SLC9A7: variants seen among roughly 807,000 people sequenced by gnomAD.
SLC9A7 encodes solute carrier family 9 member A7, also known as sodium/hydrogen exchanger 7.
A neutral mutation model predicts 52.6 loss-of-function variants in SLC9A7; 19 were observed. That is an observed-to-expected ratio of 0.36 (90% CI 0.25 to 0.53). SLC9A7 has a LOEUF of 0.53. Among genes scored for constraint, SLC9A7 ranks in the 20% least tolerant of loss-of-function variants. The probability of loss-of-function intolerance (pLI) is 0.91; values close to 1 mark genes in which losing one functional copy is unlikely to be tolerated. For missense variants in SLC9A7, 455 were observed against 597.9 expected (o/e 0.76, Z 2.49); for synonymous variants, 226 against 252.1 (o/e 0.90, Z 0.98).
intron 5 of SLC9A7, among the ~76,000 whole-genome samples, chrX:46,669,066 G>A (rs188179474): frequency 1.2e-4 from 13 of 108,144 alleles, no homozygotes; most frequent in Non-Finnish European, 2.1e-4. Flanking sequence ...TACTCAGGAC[G>A]CTGAGGCAGG....
intron 1 of SLC9A7, among the ~76,000 whole-genome samples, chrX:46,706,218 T>C (rs182855734): frequency 0.013 from 1,296 of 101,045 alleles, 19 homozygotes; most frequent in African/African-American, 0.044. Flanking sequence ...GGTGCAAAAG[T>C]AGTTGCGGCT....
intron 1 of SLC9A7, among the ~76,000 whole-genome samples, chrX:46,739,036 C>T (rs773352880): frequency 1.0e-3 from 115 of 111,280 alleles, no homozygotes; most frequent in African/African-American, 3.5e-3. Context: ...TATCTACCGC[C>T]ACTTCCTCTC....
At chrX:46,723,641 G>C (rs1341573692) in intron 1 of SLC9A7, among the ~76,000 whole-genome samples, 1 of 111,590 alleles carries the variant, frequency 9.0e-6, no homozygotes, top group Non-Finnish European at 1.9e-5. Flanking sequence ...CATAGCATAG[G>C]ACTTCCTCGG....
intron 5 of SLC9A7, among the ~76,000 whole-genome samples, chrX:46,664,108 C>T (rs1459791853): frequency 9.0e-6 from 1 of 111,619 alleles, no homozygotes; most frequent in Admixed American, 9.5e-5. Context: ...GATACATGCA[C>T]GAGAGCTGTG....
At chrX:46,655,818 C>T (rs1943673299) in intron 7 of SLC9A7, among the ~76,000 whole-genome samples, 1 of 112,773 alleles carries the variant, frequency 8.9e-6, no homozygotes, top group African/African-American at 3.2e-5. Context: ...ATTGCCCAGG[C>T]TTGTTTAGGT....
intron 1 of SLC9A7, among the ~76,000 whole-genome samples, chrX:46,747,038 G>A (rs761704741): frequency 8.9e-5 from 10 of 112,196 alleles, no homozygotes; most frequent in Non-Finnish European, 1.9e-4. Flanking sequence ...AATAAGCCAG[G>A]CACAGAAAGA....
intron 5 of SLC9A7, among the ~76,000 whole-genome samples, chrX:46,664,674 A>G (rs140334361): frequency 0.011 from 1,271 of 111,588 alleles, 18 homozygotes; most frequent in African/African-American, 0.04. Flanking sequence ...CTTTCCCTAT[A>G]ATTTAATCAC....
intron 1 of SLC9A7, among the ~76,000 whole-genome samples, chrX:46,716,721 A>C (rs779566398): frequency 1.8e-5 from 2 of 112,697 alleles, no homozygotes; most frequent in Non-Finnish European, 3.7e-5. Flanking sequence ...GACGATTCTG[A>C]TATCAATAGG....
chrX:46,725,228 G>A (rs1445920882), intron 1 of SLC9A7: 13 of 1,051,504 alleles, frequency 1.2e-5, no homozygotes, highest in Non-Finnish European at 1.6e-5. Flanking sequence ...TCGTATCAGT[G>A]GGAACACCTT....
rs749548649 is a variant in SLC9A7, at chrX:46,668,523, CA to C, written c.793+1083del. On this transcript the variant is annotated intron_variant, in intron 5 of 16. Transcript: ENST00000616978. ...ACTCCATCTCAAAAACAAAACAAAACAAAAAAAAAACATGCTATACAGATAC... is the reference window on the plus strand; with the variant it reads ...ACTCCATCTCAAAAACAAAACAAAACAAAAAAAAACATGCTATACAGATAC... Among the ~76,000 whole-genome samples the C allele has an allele frequency of 2.2e-3, 221 of 102,550 alleles. 2 individuals carry two copies. Among genetic ancestry groups the C allele is most frequent in the African/African-American group, 7.4e-3 (208 of 28,216 alleles). 89.1% of individuals were successfully genotyped at this position (102,550 alleles called of 115,157 possible).
chrX:46,627,637 G>C (rs1943151635), intron 14 of SLC9A7, among the ~76,000 whole-genome samples: 1 of 111,432 alleles, frequency 9.0e-6, no homozygotes, highest in Non-Finnish European at 1.9e-5. Context: ...GCCTGAAATA[G>C]AACAGGTGCT....
At position 46,672,582 on chromosome X, in the gene SLC9A7, A is replaced by G; in HGVS notation, c.649T>C (p.Leu217=). 1.7e-6 allele frequency: 2 copies of G among 1,209,088 alleles called. No individual in the cohort carries two copies. The highest frequency in any genetic ancestry group is 2.2e-6 in the Non-Finnish European group (2 of 893,219). ...NLGSILAYAF[L]GTAVSCFIIG... The stretch of plus-strand genomic sequence containing the variant: ...ATGAAGCATGAAACAGCAGTCCCCA[A>G]GAAGGCATAGGCCAGTATAGATCCA... Residue 217 remains leucine, a synonymous_variant, in exon 4 of 17, where the codon TTG becomes CTG. Coordinates refer to ENST00000616978, the MANE Select transcript of SLC9A7 (RefSeq NM_001257291.2).
chrX:46,615,508 GA>G (rs1394838427), intron 15 of SLC9A7, among the ~76,000 whole-genome samples: 1 of 110,408 alleles, frequency 9.1e-6, no homozygotes. Flanking sequence ...TCTGTAGAAT[GA>G]CAAATACGCA....
intron 14 of SLC9A7, among the ~76,000 whole-genome samples, chrX:46,621,987 C>A (rs1362638866): frequency 9.7e-6 from 1 of 102,666 alleles, no homozygotes; most frequent in Non-Finnish European, 2.0e-5. Context: ...AGTTTTAAAT[C>A]ATGGTGAATG....
chrX:46,686,031 G>A (rs955827377), intron 1 of SLC9A7, among the ~76,000 whole-genome samples: 4 of 112,141 alleles, frequency 3.6e-5, no homozygotes, highest in Non-Finnish European at 7.5e-5. Flanking sequence ...TAACAAGAGA[G>A]GGTTTATATT....
intron 3 of SLC9A7, among the ~76,000 whole-genome samples, chrX:46,672,983 C>T (rs112722095): frequency 2.7e-5 from 3 of 112,074 alleles, no homozygotes; most frequent in African/African-American, 9.8e-5. Flanking sequence ...CTCAGTGATA[C>T]AGCACGTCAC....
At chrX:46,741,615 C>G (rs903897601) in intron 1 of SLC9A7, among the ~76,000 whole-genome samples, 2 of 111,056 alleles carry the variant, frequency 1.8e-5, no homozygotes, top group African/African-American at 6.5e-5. Context: ...AAAAACTCAA[C>G]CTAAACCTCA....
intron 7 of SLC9A7, among the ~76,000 whole-genome samples, chrX:46,660,548 A>T (rs1326452024): frequency 9.0e-6 from 1 of 110,828 alleles, no homozygotes; most frequent in Non-Finnish European, 1.9e-5. Context: ...ACCCCATCAA[A>T]AAGTGGGTGA....
At chrX:46,626,925 T>C (rs1310768273) in intron 14 of SLC9A7, among the ~76,000 whole-genome samples, 1 of 112,061 alleles carries the variant, frequency 8.9e-6, no homozygotes, top group Non-Finnish European at 1.9e-5. Flanking sequence ...CCTCAGGTGG[T>C]TCTTTATAGA....
Sources: gnomAD v4.1 joint callset for allele counts (sites outside exome capture counted in the v4.1 genomes callset) on GRCh38, gnomAD v4.1.1 for gene constraint, MANE v1.5 for transcripts, NCBI Gene and HGNC (gene_info 2026-07-23, HGNC 2026-07-21) for gene names.